The following SOD2 variants were observed in gnomAD, a reference collection of about 807,000 sequenced individuals.
SOD2 encodes superoxide dismutase 2.
Under a neutral mutation model 27.0 loss-of-function variants are expected in SOD2, and 11 were observed. The observed-to-expected ratio is 0.41, with a 90% CI of 0.26 to 0.67. The LOEUF (loss-of-function observed/expected upper bound fraction) is 0.67. SOD2 is among the 30% of genes least tolerant of loss of function. The pLI is 0.34. For synonymous variants in SOD2, 105 were observed against 103.0 expected (o/e 1.02, Z -0.12); for missense variants, 250 against 274.5 (o/e 0.91, Z 0.63).
chr6:159,746,612 G>T (rs571554550), upstream of SOD2, among the ~76,000 whole-genome samples: 2 of 152,180 alleles, frequency 1.3e-5, no homozygotes, highest in South Asian at 4.1e-4. Flanking sequence ...TGAGCGTAAG[G>T]CATAAATTAG....
chr6:159,748,416 T>G, upstream of SOD2: 8 of 1,603,004 alleles, frequency 5.0e-6, no homozygotes, highest in Non-Finnish European at 6.8e-6. The surrounding 1 kb of genome is among the most constrained non-coding windows in gnomAD (Gnocchi z 5.6). Context: ...ACAGTCCCAC[T>G]ACGAGAAAGC....
intron 1 of SOD2, among the ~76,000 whole-genome samples, chr6:159,740,556 T>C (rs2114915505): frequency 6.6e-6 from 1 of 152,322 alleles, no homozygotes; most frequent in East Asian, 1.9e-4. Flanking sequence ...ACTGAAGATC[T>C]TTCTCTATAC....
chr6:159,750,332 AAC>A (rs1437780485), intron 1 of SOD2, among the ~76,000 whole-genome samples: 2 of 152,244 alleles, frequency 1.3e-5, no homozygotes, highest in Non-Finnish European at 2.9e-5. Flanking sequence ...ACACTTAGAT[AAC>A]AGTCATGAGT....
intron 1 of SOD2, among the ~76,000 whole-genome samples, chr6:159,732,460 A>G (rs961491804): frequency 3.9e-5 from 6 of 152,226 alleles, no homozygotes; most frequent in South Asian, 4.1e-4. Context: ...ATGTTCGTAT[A>G]TACATAGATA....
At chr6:159,758,959 C>A (rs888744543) in intron 1 of SOD2, among the ~76,000 whole-genome samples, 69 of 152,264 alleles carry the variant, frequency 4.5e-4, no homozygotes, top group African/African-American at 1.6e-3. Context: ...GATGGCTCCT[C>A]ATGAGTAAGC....
chr6:159,722,968 C>T (rs1778069824), intron 1 of SOD2, among the ~76,000 whole-genome samples: 1 of 152,202 alleles, frequency 6.6e-6, no homozygotes, highest in Non-Finnish European at 1.5e-5. Context: ...CCAGAGAAAG[C>T]CAAATATGCT....
At chr6:159,723,696 T>C (rs1260740959) in intron 1 of SOD2, among the ~76,000 whole-genome samples, 4 of 152,224 alleles carry the variant, frequency 2.6e-5, no homozygotes, top group African/African-American at 9.6e-5. Context: ...TGTGGCAAAC[T>C]AGAACAACTG....
rs986772809 is a variant in SOD2 at position 159,693,184 on chromosome 6, C to A, written c.-17G>T. ...GCTCAACATGCTGCTAGTGCTGGTG[C>A]TACCGCTGATGCCGCCGATCTGCTG... On this transcript the variant is annotated 5_prime_UTR_variant, in exon 1 of 5. Coordinates refer to ENST00000538183, the MANE Select transcript of SOD2 (RefSeq NM_000636.4). The A allele has an allele frequency of 1.3e-6, 2 of 1,526,394 alleles. No individual in the cohort carries two copies. The highest frequency in any genetic ancestry group is 2.8e-5 in the African/African-American group (2 of 70,374). The allele number at this position is 1,526,394 out of a possible 1,614,324, so 94.6% of individuals were successfully genotyped here.
rs1357580414 is a variant in SOD2, at chr6:159,672,567, T to A, written c.*9926A>T. 1 of 152,198 alleles carries A rather than the reference T, an allele frequency of 6.6e-6. No individual in the cohort carries two copies. Among genetic ancestry groups the A allele is most frequent in the Non-Finnish European group, 1.5e-5 (1 of 68,038 alleles). The allele number at this position is 152,198 out of a possible 1,614,324, so 9.4% of individuals were successfully genotyped here. On this transcript the variant is annotated 3_prime_UTR_variant, in exon 5 of 5. Transcript: ENST00000538183. The stretch of plus-strand genomic sequence containing the variant: ...TGAGAGATTTTGTCACCACCAGGCC[T>A]GCCTTACAAGAGCTCCTGAAGGAAG...
rs1485249289 is a variant in SOD2, at chr6:159,674,094, G to A, written c.*8399C>T. ...ACCAATAACAGGCTCTGAAATTGAGGCAATAATTAATAGCCTACCAACCAA... is the reference window on the plus strand; with the variant it reads ...ACCAATAACAGGCTCTGAAATTGAGACAATAATTAATAGCCTACCAACCAA... On this transcript the variant is annotated 3_prime_UTR_variant, in exon 5 of 5. Coordinates refer to ENST00000538183, the MANE Select transcript of SOD2 (RefSeq NM_000636.4). The A allele has an allele frequency of 2.0e-5, 3 of 152,148 alleles. No homozygotes were observed. Among genetic ancestry groups the A allele is most frequent in the African/African-American group, 7.2e-5 (3 of 41,414 alleles). 9.4% of individuals were successfully genotyped at this position (152,148 alleles called of 1,614,324 possible). A position where few individuals can be genotyped will look rare whatever the true frequency, so the allele number is the denominator to read the frequency against.
intron 2 of SOD2, 74 bp downstream of exon 2, chr6:159,692,587 C>G (rs753225413): frequency 3.1e-6 from 5 of 1,592,652 alleles, no homozygotes; most frequent in Non-Finnish European, 4.3e-6. Context: ...CGGAGAGGCC[C>G]GTCCGTATGG....
Position 159,674,107 on chromosome 6 carries a change from G to A in SOD2, c.*8386C>T, listed in dbSNP as rs1215544550. 1 of 152,072 alleles carries A rather than the reference G, an allele frequency of 6.6e-6. No homozygotes were observed. The highest frequency in any genetic ancestry group is 1.5e-5 in the Non-Finnish European group (1 of 68,020). The allele number at this position is 152,072 out of a possible 1,614,324, so 9.4% of individuals were successfully genotyped here. ...TCTGAAATTGAGGCAATAATTAATA[G>A]CCTACCAACCAAAAAAAGTCCAGGA... On this transcript the variant is annotated 3_prime_UTR_variant, in exon 5 of 5. Transcript: ENST00000538183.
chr6:159,703,738 G>A (rs1003912437), intron 1 of SOD2, among the ~76,000 whole-genome samples: 14 of 152,302 alleles, frequency 9.2e-5, no homozygotes, highest in African/African-American at 3.4e-4. Context: ...GGGTACAAGA[G>A]CAACATTTAA....
chr6:159,702,850 G>GAAAAAAAAAA (rs35570449), intron 1 of SOD2, among the ~76,000 whole-genome samples: 1 of 30,674 alleles, frequency 3.3e-5, no homozygotes, highest in African/African-American at 1.1e-4. Context: ...ACCCTATCTC[G>GAAAAAAAAAA]AAAAAAAAAA....
At position 159,682,142 on chromosome 6, in the gene SOD2, A is replaced by G. The variant is rs1183788424; in HGVS notation, c.*351T>C. 6.3e-6 allele frequency: 1 copy of G among 159,626 alleles called. No individual in the cohort carries two copies. Among genetic ancestry groups the G allele is most frequent in the East Asian group, 1.8e-4 (1 of 5,578 alleles). The allele number at this position is 159,626 out of a possible 1,614,324, so 9.9% of individuals were successfully genotyped here. The stretch of plus-strand genomic sequence containing the variant: ...TTTTAAGTAACTGGGGCAAAAGACT[A>G]GATTTTCTATAACTGCAATAGAATA... On this transcript the variant is annotated 3_prime_UTR_variant, in exon 5 of 5. Transcript: ENST00000538183.
At chr6:159,718,689 G>A (rs1387202615) in intron 1 of SOD2, among the ~76,000 whole-genome samples, 1 of 152,152 alleles carries the variant, frequency 6.6e-6, no homozygotes, top group Admixed American at 6.6e-5. Flanking sequence ...AAGAAAAGTA[G>A]GCTAGGAAGT....
intron 1 of SOD2, among the ~76,000 whole-genome samples, chr6:159,714,202 A>G (rs1777883114): frequency 6.6e-6 from 1 of 152,154 alleles, no homozygotes; most frequent in African/African-American, 2.4e-5. Context: ...CATCTGTCAC[A>G]TAAGACTAAT....
At chr6:159,723,324 C>T (rs1385573944) in intron 1 of SOD2, among the ~76,000 whole-genome samples, 3 of 152,172 alleles carry the variant, frequency 2.0e-5, no homozygotes, top group Non-Finnish European at 4.4e-5. Flanking sequence ...CCTTTCCAGT[C>T]AATTCCTTCT....
chr6:159,712,245 T>C (rs748984730), intron 1 of SOD2, among the ~76,000 whole-genome samples: 12 of 109,404 alleles, frequency 1.1e-4, no homozygotes, highest in South Asian at 6.8e-4. Flanking sequence ...ATTGCTCTGA[T>C]CACCCTAACC....
Sources: allele counts gnomAD v4.1 joint callset (sites outside exome capture counted in the v4.1 genomes callset), GRCh38; gene constraint gnomAD v4.1.1; non-coding constraint Gnocchi (gnomAD v3.1); transcripts MANE v1.5; gene names NCBI Gene and HGNC (gene_info 2026-07-23, HGNC 2026-07-21).